Variants in EVC observed in about 807,000 individuals in gnomAD.
EVC encodes the protein evC complex member EVC.
A neutral mutation model predicts 118.9 loss-of-function variants in EVC; 116 were observed. The ratio of observed to expected loss-of-function variants is 0.98; its 90% CI spans 0.84 to 1.14. The LOEUF is 1.14. Among genes scored for constraint, EVC ranks in the 50% most tolerant of loss-of-function variants. The pLI, the probability that EVC is intolerant of heterozygous loss-of-function variation, is 0.00. For missense variants in EVC, 1,401 were observed against 1,246.4 expected, an observed-to-expected ratio of 1.12 and a Z score of -1.87; for synonymous variants, 619 against 534.7, an observed-to-expected ratio of 1.16 and a Z score of -2.18.
Position 5,798,873 on chromosome 4 carries a change from C to G in EVC, c.2304+81C>G. ...GTCCATGCCTGGGTCTGCTCCTTGC[C>G]ACACCGTTCATGGAGCTTGTGGCCT... On this transcript the variant is annotated intron_variant, in intron 15 of 20. Coordinates refer to ENST00000264956, the MANE Select transcript of EVC (RefSeq NM_153717.3). This position sits in a 1 kb window ranked among gnomAD's most constrained non-coding sequence, Gnocchi z 4.1. 3.5e-6 allele frequency: 5 copies of G among 1,422,074 alleles called. No individual in the cohort carries two copies. In the Admixed American group the frequency reaches 9.7e-5, roughly 28 times the overall value. 88.1% of individuals were successfully genotyped at this position (1,422,074 alleles called of 1,614,324 possible). A position where few individuals can be genotyped will look rare whatever the true frequency, so the allele number is the denominator to read the frequency against.
chr4:5,824,897 A>T, the EVC span: 521 of 985,264 alleles, frequency 5.3e-4, no homozygotes, highest in Non-Finnish European at 6.1e-4. Flanking sequence ...AGACCTTAAG[A>T]AAGTCAGGAG....
intron 11 of EVC, among the ~76,000 whole-genome samples, chr4:5,778,736 A>G (rs1385055221): frequency 6.6e-6 from 1 of 152,066 alleles, no homozygotes. Flanking sequence ...GATTCTGGAT[A>G]TTAGCCCTTT....
chr4:5,712,563 T>G (rs1043747702), intron 1 of EVC, among the ~76,000 whole-genome samples: 2 of 152,174 alleles, frequency 1.3e-5, no homozygotes, highest in African/African-American at 4.8e-5. Context: ...GTCTGCGCGA[T>G]CAGAAACAAG....
At chr4:5,759,839 C>T (rs914695431) in intron 11 of EVC, among the ~76,000 whole-genome samples, 5 of 152,164 alleles carry the variant, frequency 3.3e-5, no homozygotes, top group Middle Eastern at 3.2e-3. Context: ...CTCAGGAGGG[C>T]GCGTCCTGAC....
Position 5,749,049 on chromosome 4 carries a change from G to C in EVC, c.1098+743G>C, listed in dbSNP as rs34365710. 0.37 allele frequency among the ~76,000 whole-genome samples: 56,512 copies of C among 151,664 alleles called. 11,888 individuals are homozygous for C. Among genetic ancestry groups the C allele is most frequent in the Middle Eastern group, 0.5 (146 of 294 alleles). On this transcript the variant is annotated intron_variant, in intron 8 of 20. Transcript: ENST00000264956. The surrounding 1 kb of genome is among the most constrained non-coding windows in gnomAD (Gnocchi z 4.4). Reference sequence around the variant, plus strand: ...TGGGAGCTGGGGTTGACGCCCACTGGTGTAGACAGAGCATTGATTGACTTT... The same window carrying C: ...TGGGAGCTGGGGTTGACGCCCACTGCTGTAGACAGAGCATTGATTGACTTT...
At chr4:5,821,667 C>T in the EVC span, 3 of 1,213,768 alleles carry the variant, frequency 2.5e-6, no homozygotes, top group Non-Finnish European at 3.5e-6. The surrounding 1 kb of genome is among the most constrained non-coding windows in gnomAD (Gnocchi z 4.4). Flanking sequence ...CCATCAGCAC[C>T]AACTAAAACT....
In EVC at chr4:5,747,196, C is replaced by T. The variant is rs77171217; in HGVS notation, c.940-952C>T. Among the ~76,000 whole-genome samples the T allele has an allele frequency of 6.9e-3, 950 of 138,400 alleles. 8 individuals are homozygous for T. Among genetic ancestry groups the T allele is most frequent in the African/African-American group, 0.025 (893 of 36,008 alleles). 90.8% of individuals were successfully genotyped at this position (138,400 alleles called of 152,430 possible). On this transcript the variant is annotated intron_variant, in intron 7 of 20. Coordinates refer to ENST00000264956, the MANE Select transcript of EVC (RefSeq NM_153717.3). The stretch of plus-strand genomic sequence containing the variant: ...AGGCTTCCTCCTGGCAGAGCCAGAC[C>T]GACACCGCAGTTGAGGCTGACAGAG...
chr4:5,769,676 A>G (rs993354289), intron 11 of EVC, among the ~76,000 whole-genome samples: 5 of 152,036 alleles, frequency 3.3e-5, no homozygotes, highest in African/African-American at 1.2e-4. Flanking sequence ...GTTCATTTGG[A>G]TGTCTGTCTG....
the EVC span, among the ~76,000 whole-genome samples, chr4:5,823,343 C>T: frequency 1.3e-5 from 2 of 152,166 alleles, no homozygotes; most frequent in Non-Finnish European, 2.9e-5. Flanking sequence ...ATACAAGTCT[C>T]CCCTAAAGGC....
chr4:5,711,243 G>T lies in EVC; in HGVS notation c.-138G>T, dbSNP rs931047294. 2.2e-6 allele frequency: 1 copy of T among 454,562 alleles called. No individual in the cohort carries two copies. Among genetic ancestry groups the T allele is most frequent in the Non-Finnish European group, 2.9e-6 (1 of 344,172 alleles). The allele number at this position is 454,562 out of a possible 1,614,324, so 28.2% of individuals were successfully genotyped here. ...GGAAGGGGAGAGAAGCAGGAGTCGG[G>T]AGACTGCACAGGCCAGAAAGTCTGC... On this transcript the variant is annotated 5_prime_UTR_variant, in exon 1 of 21. Transcript: ENST00000264956.
At chr4:5,747,611 C>A (rs1362572872) in intron 7 of EVC, among the ~76,000 whole-genome samples, 1 of 152,216 alleles carries the variant, frequency 6.6e-6, no homozygotes, top group Non-Finnish European at 1.5e-5. Context: ...CATTCTAAGC[C>A]ACTTGGGAAT....
chr4:5,769,536 G>A (rs1050771335), intron 11 of EVC, among the ~76,000 whole-genome samples: 4 of 152,158 alleles, frequency 2.6e-5, no homozygotes, highest in South Asian at 4.2e-4. Flanking sequence ...GATGCTGTGC[G>A]ATCGCGTGAG....
intron 2 of EVC, among the ~76,000 whole-genome samples, chr4:5,722,754 C>A (rs535188182): frequency 2.0e-5 from 3 of 152,170 alleles, no homozygotes; most frequent in Non-Finnish European, 4.4e-5. Context: ...TTTTTCATTT[C>A]CTGCAATTAT....
rs147439611 is a variant in EVC, at chr4:5,742,232, T to C, written c.801+418T>C. ...TTGGAGTCAGACTGGTTGAGGTTGG[T>C]ATCCTGGCTTTATCTTTTACAAGCT... On this transcript the variant is annotated intron_variant, in intron 6 of 20. Coordinates refer to ENST00000264956, the MANE Select transcript of EVC (RefSeq NM_153717.3). The surrounding 1 kb of genome is among the most constrained non-coding windows in gnomAD (Gnocchi z 5.2). Among the ~76,000 whole-genome samples, 263 of 152,346 alleles carry C rather than the reference T, an allele frequency of 1.7e-3. No individual in the cohort carries two copies. The highest frequency in any genetic ancestry group is 5.9e-3 in the African/African-American group (246 of 41,588).
intron 3 of EVC, among the ~76,000 whole-genome samples, chr4:5,730,742 G>A (rs563557054): frequency 6.6e-6 from 1 of 152,140 alleles, no homozygotes; most frequent in Non-Finnish European, 1.5e-5. Flanking sequence ...AACAAATGGG[G>A]GGTGTTTCAG....
Position 5,777,092 on chromosome 4 carries a change from TG to T in EVC, c.1564-6459del, listed in dbSNP as rs1734821546. ...TCTCCTCATGTGTCTGTTTATATTTTGTGTACTATATTTCAAATTTGCACAC... is the reference window on the plus strand; with the variant it reads ...TCTCCTCATGTGTCTGTTTATATTTTTGTACTATATTTCAAATTTGCACAC... On this transcript the variant is annotated intron_variant, in intron 11 of 20. Coordinates refer to ENST00000264956, the MANE Select transcript of EVC (RefSeq NM_153717.3). 2.0e-5 allele frequency among the ~76,000 whole-genome samples: 3 copies of T among 152,314 alleles called. No homozygotes were observed. In the South Asian group the frequency reaches 6.2e-4, roughly 32 times the overall value.
intron 1 of EVC, among the ~76,000 whole-genome samples, chr4:5,717,179 G>A (rs928546520): frequency 2.6e-5 from 4 of 151,848 alleles, no homozygotes; most frequent in Non-Finnish European, 5.9e-5. Flanking sequence ...CATTATCTTT[G>A]GAGAGATGTT....
intron 5 of EVC, 131 bp downstream of exon 5, chr4:5,733,566 G>T: frequency 2.3e-6 from 2 of 852,570 alleles, no homozygotes. Context: ...TGTGAGGTGG[G>T]GGAAAGCGGC....
chr4:5,819,697 CA>C, the EVC span, among the ~76,000 whole-genome samples: 1 of 152,214 alleles, frequency 6.6e-6, no homozygotes, highest in Non-Finnish European at 1.5e-5. Context: ...TTCATCCTGC[CA>C]ACTTTACTTT....
Sources: allele counts gnomAD v4.1 joint callset (sites outside exome capture counted in the v4.1 genomes callset), GRCh38; gene constraint gnomAD v4.1.1; non-coding constraint Gnocchi (gnomAD v3.1); transcripts MANE v1.5; gene names NCBI Gene and HGNC (gene_info 2026-07-23, HGNC 2026-07-21).